CAGE1: variants seen among roughly 807,000 people sequenced by gnomAD.
CAGE1 encodes the protein cancer-associated gene 1 protein.
Under a neutral mutation model 94.9 loss-of-function variants are expected in CAGE1, and 66 were observed. The ratio of observed to expected loss-of-function variants is 0.70; its 90% confidence interval spans 0.57 to 0.85. The LOEUF is 0.85. CAGE1 is among the 40% of genes least tolerant of loss of function. The pLI is 0.00. For synonymous variants in CAGE1, 319 were observed against 321.0 expected, an observed-to-expected ratio of 0.99 and a Z score of 0.07; for missense variants, 865 against 950.4, an observed-to-expected ratio of 0.91 and a Z score of 1.18.
chr6:7,333,939 AT>A, intron 12 of CAGE1, 82 bp downstream of exon 12: 1 of 858,272 alleles, frequency 1.2e-6, no homozygotes, highest in Non-Finnish European at 1.8e-6. Context: ...AAGTGCTGGG[AT>A]TACAGGCGTG....
intron 13 of CAGE1, among the ~76,000 whole-genome samples, chr6:7,328,684 C>G (rs1758615009): frequency 6.6e-6 from 1 of 152,054 alleles, no homozygotes; most frequent in South Asian, 2.1e-4. Context: ...TCCCAGTGTT[C>G]TGTAACACTG....
rs574460085 is a variant in CAGE1 at position 7,343,198 on chromosome 6, A to AAAAAAGAAAAG, written c.2370-9109_2370-9108insCTTTTCTTTTT. Among the ~76,000 whole-genome samples, 989 of 137,296 alleles carry AAAAAAGAAAAG rather than the reference A, an allele frequency of 7.2e-3. 14 individuals carry two copies. Among genetic ancestry groups the AAAAAAGAAAAG allele is most frequent in the African/African-American group, 0.027 (941 of 35,330 alleles). The allele number at this position is 137,296 out of a possible 152,430, so 90.1% of individuals were successfully genotyped here. On this transcript the variant is annotated intron_variant, in intron 11 of 13. Transcript: ENST00000502583. ...TGCGAGACTCTGTCCCACAAAAAAAAAAAAGAAAAGAAAAGAAAAGAAAAA... is the reference window on the plus strand; with the variant it reads ...TGCGAGACTCTGTCCCACAAAAAAAAAAAAAGAAAAGAAAAGAAAAGAAAAGAAAAGAAAAA...
rs554304490 is a variant in CAGE1 at position 7,354,702 on chromosome 6, C to T, written c.2369+339G>A. On this transcript the variant is annotated intron_variant, in intron 11 of 13. Transcript: ENST00000502583. Reference sequence around the variant, plus strand: ...GTATGAATATGTTTAATTTGGTGTGCATTCAATATCTTTTTGTGAGTAATT... The same window carrying T: ...GTATGAATATGTTTAATTTGGTGTGTATTCAATATCTTTTTGTGAGTAATT... 1.8e-4 allele frequency among the ~76,000 whole-genome samples: 28 copies of T among 152,246 alleles called. No homozygotes were observed. In the South Asian group the frequency reaches 5.6e-3, roughly 30 times the overall value.
At chr6:7,375,559 A>T (rs1355353932) in intron 4 of CAGE1, among the ~76,000 whole-genome samples, 1 of 152,186 alleles carries the variant, frequency 6.6e-6, no homozygotes, top group Admixed American at 6.5e-5. Flanking sequence ...TAACACAGTG[A>T]TACCCTATCT....
chr6:7,341,513 C>G (rs898758019), intron 11 of CAGE1: 3 of 1,238,980 alleles, frequency 2.4e-6, no homozygotes, highest in Non-Finnish European at 3.5e-6. Flanking sequence ...TAGATGTCAC[C>G]CAGAAGATTC....
chr6:7,353,724 C>G (rs1010858829), intron 11 of CAGE1, among the ~76,000 whole-genome samples: 2 of 151,464 alleles, frequency 1.3e-5, no homozygotes, highest in African/African-American at 4.9e-5. Flanking sequence ...CACACACACA[C>G]ACACACACAC....
intron 3 of CAGE1, among the ~76,000 whole-genome samples, chr6:7,380,820 C>A (rs1760909215): frequency 1.3e-5 from 2 of 151,990 alleles, no homozygotes; most frequent in Admixed American, 1.3e-4. Context: ...TCCTTCTATG[C>A]CAATGTAAAA....
intron 11 of CAGE1, chr6:7,341,660 G>A: frequency 1.4e-6 from 1 of 731,014 alleles, no homozygotes; most frequent in Non-Finnish European, 2.6e-6. Context: ...AGGTGGACAG[G>A]AATCAACTCA....
rs1333151879 is a variant in CAGE1, at chr6:7,374,061, T to C, written c.758A>G (p.Glu253Gly). 7 of 1,614,010 alleles carry C rather than the reference T, an allele frequency of 4.3e-6. No individual in the cohort carries two copies. Among genetic ancestry groups the C allele is most frequent in the Non-Finnish European group, 5.9e-6 (7 of 1,179,902 alleles). ...CCTCTCCACACCCTCTGCTGTGACT[T>C]CCTTTTCATAACTGACTGACATCTC... Reference protein sequence around the residue: ...IPEMSVSYEKEVTAEGVERPE... With the variant: ...IPEMSVSYEKGVTAEGVERPE... The change falls in exon 5 of 14, where the codon GAA (glutamate) becomes GGA (glycine). Residue 253 changes from glutamate to glycine, a missense_variant. Coordinates refer to ENST00000502583, the MANE Select transcript of CAGE1 (RefSeq NM_001170692.2).
intron 9 of CAGE1, among the ~76,000 whole-genome samples, chr6:7,356,721 A>C (rs1759966243): frequency 6.6e-6 from 1 of 152,232 alleles, no homozygotes; most frequent in South Asian, 2.1e-4. Flanking sequence ...CAGTTACCTT[A>C]ATTTTCAAAG....
chr6:7,348,570 C>A lies in CAGE1; in HGVS notation c.2369+6471G>T, dbSNP rs1759650986. ...TATGGATCCAAACCAAGAGGAAATC[C>A]CTGATTTACCTGAAAAAGAATTCAG... On this transcript the variant is annotated intron_variant, in intron 11 of 13. Coordinates refer to ENST00000502583, the MANE Select transcript of CAGE1 (RefSeq NM_001170692.2). Among the ~76,000 whole-genome samples the A allele has an allele frequency of 2.0e-5, 3 of 151,606 alleles. No individual in the cohort carries two copies. In the South Asian group the frequency reaches 6.2e-4, roughly 31 times the overall value.
In CAGE1 at chr6:7,339,313, G is replaced by C. The variant is rs1759081841; in HGVS notation, c.2370-5223C>G. The C allele has an allele frequency of 1.1e-5, 17 of 1,585,854 alleles. No individual in the cohort carries two copies. The highest frequency in any genetic ancestry group is 1.5e-5 in the Non-Finnish European group (17 of 1,154,866). Reference sequence around the variant, plus strand: ...CTAGTGGCCACCTCTTCAGCATAAAGCTCTACACTGCCCTCTGGAGAGCCA... The same window carrying C: ...CTAGTGGCCACCTCTTCAGCATAAACCTCTACACTGCCCTCTGGAGAGCCA... On this transcript the variant is annotated intron_variant, in intron 11 of 13. Coordinates refer to ENST00000502583, the MANE Select transcript of CAGE1 (RefSeq NM_001170692.2). This position sits in a 1 kb window ranked among gnomAD's most constrained non-coding sequence, Gnocchi z 4.7.
chr6:7,387,362 T>A (rs1323997560), intron 1 of CAGE1, among the ~76,000 whole-genome samples, 166 bp from the exon 2 acceptor site: 1 of 152,226 alleles, frequency 6.6e-6, no homozygotes, highest in African/African-American at 2.4e-5. Flanking sequence ...TAATTTGGTA[T>A]GGTAGTAAAT....
At chr6:7,377,775 T>C (rs915730326) in intron 4 of CAGE1, among the ~76,000 whole-genome samples, 8 of 152,034 alleles carry the variant, frequency 5.3e-5, no homozygotes, top group African/African-American at 1.9e-4. Context: ...GAAAAGGTAT[T>C]ACTTATACTA....
At chr6:7,380,375 G>A (rs890301482) in intron 3 of CAGE1, among the ~76,000 whole-genome samples, 2 of 151,986 alleles carry the variant, frequency 1.3e-5, no homozygotes, top group Non-Finnish European at 2.9e-5. Context: ...AGTGGTTTAC[G>A]CCTGTAATCC....
At chr6:7,372,657 T>G (rs1760578566) in intron 5 of CAGE1, among the ~76,000 whole-genome samples, 1 of 152,066 alleles carries the variant, frequency 6.6e-6, no homozygotes, top group South Asian at 2.1e-4. Context: ...TTTCCATATC[T>G]GTTTTTCTTT....
chr6:7,331,101 A>G (rs936552943), intron 12 of CAGE1, among the ~76,000 whole-genome samples: 1 of 152,192 alleles, frequency 6.6e-6, no homozygotes, highest in Non-Finnish European at 1.5e-5. Context: ...TGCAAATGCT[A>G]GTTTAAATCT....
At chr6:7,370,626 C>T (rs944881591) in intron 5 of CAGE1, among the ~76,000 whole-genome samples, 1 of 132,342 alleles carries the variant, frequency 7.6e-6, no homozygotes, top group African/African-American at 2.7e-5. Flanking sequence ...ACAATTACCA[C>T]ATTTTTTGAA....
At chr6:7,379,224 A>G (rs899964783) in intron 3 of CAGE1, among the ~76,000 whole-genome samples, 2 of 152,240 alleles carry the variant, frequency 1.3e-5, no homozygotes, top group Non-Finnish European at 2.9e-5. Flanking sequence ...GAAGTCCCCA[A>G]ATGACTGCTA....
Sources: allele counts gnomAD v4.1 joint callset (sites outside exome capture counted in the v4.1 genomes callset), GRCh38; gene constraint gnomAD v4.1.1; non-coding constraint Gnocchi (gnomAD v3.1); transcripts MANE v1.5; gene names NCBI Gene and HGNC (gene_info 2026-07-23, HGNC 2026-07-21).